Variants in RNF121 observed in about 807,000 individuals in gnomAD.
RNF121 encodes the protein ring finger protein 121, also known as E3 ubiquitin ligase RNF121.
In RNF121, 21 loss-of-function variants were observed where a neutral mutation model predicts 46.5. That is an observed-to-expected ratio of 0.45 (90% CI 0.32 to 0.65). The LOEUF (loss-of-function observed/expected upper bound fraction) is 0.65. Ranked by LOEUF, RNF121 falls within the 30% of genes least tolerant of loss-of-function variation. The probability of loss-of-function intolerance (pLI) is 0.04; values close to 1 mark genes in which losing one functional copy is unlikely to be tolerated. For synonymous variants in RNF121, 139 were observed against 144.7 expected (o/e 0.96, Z 0.28); for missense variants, 346 against 416.0 (o/e 0.83, Z 1.46).
At chr11:71,983,879 C>G (rs1954712292) in intron 4 of RNF121, 1 of 152,322 alleles carries the variant, frequency 6.6e-6, no homozygotes, top group South Asian at 2.1e-4. Flanking sequence ...TGCTCTTCTT[C>G]CTATTCTTCT....
chr11:71,991,295 A>G (rs1431671884), intron 6 of RNF121, among the ~76,000 whole-genome samples: 2 of 152,148 alleles, frequency 1.3e-5, no homozygotes, highest in African/African-American at 2.4e-5. Context: ...TAGGGCCATT[A>G]TAGGAAAGAG....
Sources: gnomAD v4.1 joint callset for allele counts (sites outside exome capture counted in the v4.1 genomes callset) on GRCh38, gnomAD v4.1.1 for gene constraint, MANE v1.5 for transcripts, NCBI Gene and HGNC (gene_info 2026-07-23, HGNC 2026-07-21) for gene names.